The following FBXO34 variants were observed in gnomAD, a reference collection of about 807,000 sequenced individuals.
The protein encoded by FBXO34 is F-box only protein 34.
In FBXO34, 12 loss-of-function variants were observed where a neutral mutation model predicts 24.5. The ratio of observed to expected loss-of-function variants is 0.49; its 90% CI spans 0.31 to 0.79. The LOEUF is 0.79. FBXO34 is among the 30% of genes least tolerant of loss of function. The pLI, the probability that FBXO34 is intolerant of heterozygous loss-of-function variation, is 0.04. For missense variants in FBXO34, 823 were observed against 857.7 expected (o/e 0.96, Z 0.51); for synonymous variants, 320 against 311.9 (o/e 1.03, Z -0.27).
Position 55,283,468 on chromosome 14 carries a change from TC to T in FBXO34, c.-11+11932del, listed in dbSNP as rs1241676913. Among the ~76,000 whole-genome samples, 485 of 150,954 alleles carry T rather than the reference TC, an allele frequency of 3.2e-3. 2 individuals are homozygous for T. The highest frequency in any genetic ancestry group is 5.6e-3 in the Non-Finnish European group (381 of 67,810). ...TGTAAGAATTTATTCTTTTTTTCTT[TC>T]TTTTTTTTTTTTTTTGAGACAGTCT... On this transcript the variant is annotated intron_variant, in intron 1 of 1. Transcript: ENST00000313833.
chr14:55,283,469 C>CTTTTT (rs199599790), intron 1 of FBXO34, among the ~76,000 whole-genome samples: 2 of 137,638 alleles, frequency 1.5e-5, no homozygotes, highest in African/African-American at 5.3e-5. Context: ...TTTTTTCTTT[C>CTTTTT]TTTTTTTTTT....
intron 1 of FBXO34, among the ~76,000 whole-genome samples, chr14:55,292,823 G>A (rs1188827582): frequency 6.6e-6 from 1 of 152,160 alleles, no homozygotes; most frequent in Non-Finnish European, 1.5e-5. Flanking sequence ...TGGCTCTTCT[G>A]GGTGAGAGGG....
At chr14:55,307,613 G>GTT (rs1045363414) in intron 1 of FBXO34, among the ~76,000 whole-genome samples, 3 of 152,190 alleles carry the variant, frequency 2.0e-5, no homozygotes, top group African/African-American at 7.2e-5. Context: ...CGATTTGAGT[G>GTT]TTTAAGTTGC....
intron 1 of FBXO34, among the ~76,000 whole-genome samples, chr14:55,317,655 T>C (rs952161934): frequency 1.7e-4 from 26 of 152,172 alleles, no homozygotes; most frequent in Non-Finnish European, 7.3e-5. Flanking sequence ...AGTGACATCA[T>C]TTAGTAGCTT....
downstream of FBXO34, among the ~76,000 whole-genome samples, chr14:55,371,748 G>C (rs1360264323): frequency 6.6e-6 from 1 of 151,946 alleles, no homozygotes; most frequent in African/African-American, 2.4e-5. Flanking sequence ...AGCTTGCAGT[G>C]AGCCGAGATG....
chr14:55,365,632 C>A (rs932098982), downstream of FBXO34, among the ~76,000 whole-genome samples: 10 of 152,310 alleles, frequency 6.6e-5, no homozygotes, highest in African/African-American at 2.4e-4. Context: ...ATGGAGAAAT[C>A]TCCCTTTAAA....
chr14:55,425,750 C>A, the FBXO34 span, among the ~76,000 whole-genome samples: 1 of 152,176 alleles, frequency 6.6e-6, no homozygotes, highest in Non-Finnish European at 1.5e-5. Flanking sequence ...CATTAAAGAC[C>A]CTGCTTTATG....
chr14:55,281,038 T>C (rs1881523720), intron 1 of FBXO34, among the ~76,000 whole-genome samples: 1 of 152,150 alleles, frequency 6.6e-6, no homozygotes. Flanking sequence ...TGATTTCACA[T>C]TGAAATCAAT....
downstream of FBXO34, chr14:55,369,762 T>A (rs1331897446): frequency 6.2e-7 from 1 of 1,614,182 alleles, no homozygotes; most frequent in South Asian, 1.1e-5. Flanking sequence ...TGGGAAGGGA[T>A]ATCACAAAAC....
chr14:55,396,572 A>G, the FBXO34 span, among the ~76,000 whole-genome samples: 6 of 152,200 alleles, frequency 3.9e-5, no homozygotes, highest in African/African-American at 1.2e-4. Context: ...AACTGTTTTC[A>G]TCGGGGGTGT....
the FBXO34 span, chr14:55,390,951 T>G: frequency 2.4e-5 from 39 of 1,606,686 alleles, no homozygotes; most frequent in Non-Finnish European, 3.1e-5. Flanking sequence ...TTGTTTGTTT[T>G]AACTGTTCAA....
At chr14:55,354,377 A>T (rs1884488198), downstream of FBXO34, 1 of 152,144 alleles carries the variant, frequency 6.6e-6, no homozygotes, top group Non-Finnish European at 1.5e-5. Flanking sequence ...TTTAAAGGAG[A>T]TCAACATAAA....
In FBXO34 at chr14:55,282,015, T is replaced by TGTG. The variant is rs1555334782; in HGVS notation, c.-11+10479_-11+10480insTGG. Among the ~76,000 whole-genome samples, 100 of 97,028 alleles carry TGTG rather than the reference T, an allele frequency of 1.0e-3. 1 individual carries two copies. Among genetic ancestry groups the TGTG allele is most frequent in the African/African-American group, 3.3e-3 (93 of 28,200 alleles). The allele number at this position is 97,028 out of a possible 152,430, so 63.7% of individuals were successfully genotyped here. A position where few individuals can be genotyped will look rare whatever the true frequency, so the allele number is the denominator to read the frequency against. On this transcript the variant is annotated intron_variant, in intron 1 of 1. Transcript: ENST00000313833. ...GCTTTTTTTTTTTTTTTTTTTTTTT[T>TGTG]GATACAGAGTCTTATTCTGTTGCCA...
intron 1 of FBXO34, among the ~76,000 whole-genome samples, chr14:55,312,557 C>T (rs907251063): frequency 2.0e-5 from 3 of 152,242 alleles, no homozygotes; most frequent in African/African-American, 7.2e-5. Context: ...GGGCTCCACC[C>T]TGCAGCAAAC....
chr14:55,318,644 G>C (rs1041883812), intron 1 of FBXO34, among the ~76,000 whole-genome samples: 5 of 151,070 alleles, frequency 3.3e-5, no homozygotes, highest in Non-Finnish European at 7.4e-5. Context: ...GGATTATAAG[G>C]CTGAGCTACT....
chr14:55,435,980 T>TAAAA, the FBXO34 span: 292 of 862,762 alleles, frequency 3.4e-4, no homozygotes, highest in Middle Eastern at 9.0e-4. Flanking sequence ...ATATAAAGAG[T>TAAAA]AAAAAAAAAA....
chr14:55,348,884 G>A (rs1884246257), intron 1 of FBXO34, among the ~76,000 whole-genome samples: 1 of 152,138 alleles, frequency 6.6e-6, no homozygotes, highest in Non-Finnish European at 1.5e-5. Flanking sequence ...CACAGAGGCT[G>A]CCATATGGCA....
At chr14:55,278,831 TGC>T (rs1050411242) in intron 1 of FBXO34, among the ~76,000 whole-genome samples, 3 of 152,144 alleles carry the variant, frequency 2.0e-5, no homozygotes, top group African/African-American at 7.2e-5. Context: ...GGACCACAGG[TGC>T]GCACCACCAC....
chr14:55,316,747 G>A (rs1002863368), intron 1 of FBXO34, among the ~76,000 whole-genome samples: 5 of 148,224 alleles, frequency 3.4e-5, no homozygotes, highest in Non-Finnish European at 7.4e-5. Flanking sequence ...AGCCATAAAA[G>A]AATTTCAAGA....
Sources: gnomAD v4.1 joint callset for allele counts (sites outside exome capture counted in the v4.1 genomes callset) on GRCh38, gnomAD v4.1.1 for gene constraint, MANE v1.5 for transcripts, NCBI Gene and HGNC (gene_info 2026-07-23, HGNC 2026-07-21) for gene names.